Variants in AVL9 observed in about 807,000 individuals in gnomAD.
AVL9 encodes late secretory pathway protein AVL9 homolog.
A neutral mutation model predicts 79.2 loss-of-function variants in AVL9; 49 were observed. The observed-to-expected ratio is 0.62, with a 90% confidence interval of 0.49 to 0.79. The LOEUF is 0.79. Ranked by LOEUF, AVL9 falls within the 30% of genes least tolerant of loss-of-function variation. AVL9 has a pLI of 0.00. For missense variants in AVL9, 682 were observed against 776.8 expected (o/e 0.88, Z 1.45); for synonymous variants, 299 against 280.6 (o/e 1.07, Z -0.65).
rs1554350176 is a variant in AVL9, at chr7:32,586,468, C to CT, written c.*2561_*2562insT. 1.5e-4 allele frequency: 7 copies of CT among 45,638 alleles called. No individual in the cohort carries two copies. Among genetic ancestry groups the CT allele is most frequent in the Non-Finnish European group, 2.6e-4 (6 of 22,920 alleles). The allele number at this position is 45,638 out of a possible 1,614,324, so 2.8% of individuals were successfully genotyped here. On this transcript the variant is annotated 3_prime_UTR_variant, in exon 16 of 16. Transcript: ENST00000318709. ...CTCACCCCTGGTCCTGTGACCCCCC[C>CT]CCCCCACACACACACATACTTCAGG...
intron 2 of AVL9, among the ~76,000 whole-genome samples, chr7:32,544,120 T>C (rs946679369): frequency 1.3e-5 from 2 of 152,170 alleles, no homozygotes; most frequent in African/African-American, 4.8e-5. Flanking sequence ...TAGCAAATGT[T>C]CTACAGATTT....
rs566157413 is a variant in AVL9, at chr7:32,495,821, C to T, written c.93+19C>T. 1 of 1,253,558 alleles carries T rather than the reference C, an allele frequency of 8.0e-7. No homozygotes were observed. Among genetic ancestry groups the T allele is most frequent in the Non-Finnish European group, 1.0e-6 (1 of 989,190 alleles). The allele number at this position is 1,253,558 out of a possible 1,614,324, so 77.7% of individuals were successfully genotyped here. A position where few individuals can be genotyped will look rare whatever the true frequency, so the allele number is the denominator to read the frequency against. On this transcript the variant is annotated intron_variant, in intron 1 of 15. Transcript: ENST00000318709. ...CTGCCAGGTGAGGAAAGGGCCCGCC[C>T]CCGCCCCCAGCCGTTCGGGCGTTCG...
chr7:32,518,796 A>G (rs889446194), intron 1 of AVL9, among the ~76,000 whole-genome samples: 1 of 152,180 alleles, frequency 6.6e-6, no homozygotes, highest in East Asian at 1.9e-4. Flanking sequence ...TATGTGATTA[A>G]TTGACTATAA....
intron 10 of AVL9, 40 bp from the exon 11 acceptor site, chr7:32,569,980 T>C (rs755375645): frequency 1.2e-6 from 2 of 1,607,114 alleles, no homozygotes; most frequent in Admixed American, 1.7e-5. Context: ...AGGTAACCTT[T>C]TACTTTTCTG....
At position 32,565,139 on chromosome 7, in the gene AVL9, C is replaced by G. The variant is rs556386812; in HGVS notation, c.1216-4881C>G. On this transcript the variant is annotated intron_variant, in intron 10 of 15. Transcript: ENST00000318709. Reference sequence around the variant, plus strand: ...GGACTGGCCAGAAAGGACTGGAGCCCTTGGAGCTCGGAGTCCCACCTGACT... The same window carrying G: ...GGACTGGCCAGAAAGGACTGGAGCCGTTGGAGCTCGGAGTCCCACCTGACT... Among the ~76,000 whole-genome samples, 30 of 152,294 alleles carry G rather than the reference C, an allele frequency of 2.0e-4. No individual in the cohort carries two copies. The South Asian group carries it at 6.0e-3, about 31-fold the overall frequency.
At chr7:32,525,111 A>G (rs1788344374) in intron 1 of AVL9, among the ~76,000 whole-genome samples, 1 of 152,230 alleles carries the variant, frequency 6.6e-6, no homozygotes, top group Non-Finnish European at 1.5e-5. Context: ...AAGGTAAACA[A>G]ACACCTTGTT....
chr7:32,544,881 A>G, intron 3 of AVL9, 102 bp downstream of exon 3: 1 of 779,748 alleles, frequency 1.3e-6, no homozygotes, highest in Non-Finnish European at 2.1e-6. Flanking sequence ...ATGTTGTTTT[A>G]GATTTTTGTA....
chr7:32,516,245 T>G (rs1348640962), intron 1 of AVL9, among the ~76,000 whole-genome samples: 1 of 152,198 alleles, frequency 6.6e-6, no homozygotes, highest in African/African-American at 2.4e-5. Context: ...AGCTACAAAG[T>G]TAAAGCTGAC....
Position 32,583,780 on chromosome 7 carries a change from C to T in AVL9, c.1832-12C>T, listed in dbSNP as rs778599885. ...AGACATTTTTCCTTTTGTTTTTCTC[C>T]TCTCCATCCAGGCCAGTCAGTTGGA... On this transcript the variant is annotated splice_polypyrimidine_tract_variant and intron_variant, in intron 15 of 15. Coordinates refer to ENST00000318709, the MANE Select transcript of AVL9 (RefSeq NM_015060.3). 7 of 1,566,880 alleles carry T rather than the reference C, an allele frequency of 4.5e-6. No homozygotes were observed. The South Asian group carries it at 4.5e-5, about 10-fold the overall frequency.
At chr7:32,580,304 C>G (rs368464230) in intron 14 of AVL9, 32 bp downstream of exon 14, 95 of 1,547,834 alleles carry the variant, frequency 6.1e-5, no homozygotes, top group African/African-American at 5.5e-4. Flanking sequence ...TGGGAAAATT[C>G]TTAAGTCTGA....
At chr7:32,510,415 G>A (rs1048305644) in intron 1 of AVL9, among the ~76,000 whole-genome samples, 10 of 150,382 alleles carry the variant, frequency 6.6e-5, no homozygotes, top group Non-Finnish European at 1.5e-4. Context: ...CTGGCTGTGG[G>A]AGTCCACAGT....
At chr7:32,568,955 A>C (rs962079146) in intron 10 of AVL9, among the ~76,000 whole-genome samples, 26 of 152,196 alleles carry the variant, frequency 1.7e-4, no homozygotes, top group African/African-American at 6.3e-4. Flanking sequence ...ATATAACCAA[A>C]TTACCAGACA....
At chr7:32,502,143 C>T (rs915930651) in intron 1 of AVL9, among the ~76,000 whole-genome samples, 5 of 151,728 alleles carry the variant, frequency 3.3e-5, no homozygotes, top group Admixed American at 2.0e-4. Context: ...ATGGGAAGAT[C>T]GCTTGAGCCC....
intron 1 of AVL9, among the ~76,000 whole-genome samples, chr7:32,524,147 C>T (rs1038400786): frequency 6.6e-6 from 1 of 152,032 alleles, no homozygotes; most frequent in Non-Finnish European, 1.5e-5. Flanking sequence ...CCACACCTGT[C>T]AAATTATGAA....
At chr7:32,568,867 A>G (rs1393769212) in intron 10 of AVL9, among the ~76,000 whole-genome samples, 1 of 152,200 alleles carries the variant, frequency 6.6e-6, no homozygotes, top group Non-Finnish European at 1.5e-5. Flanking sequence ...GAGCATCTCT[A>G]ATGCAAAGGT....
intron 1 of AVL9, chr7:32,533,850 G>T (rs34130383): frequency 0.095 from 14,490 of 152,276 alleles, 878 homozygotes; most frequent in East Asian, 0.14. Context: ...TAGTTTGGCA[G>T]TGTGGCTTCT....
intron 3 of AVL9, among the ~76,000 whole-genome samples, chr7:32,548,144 C>CTCTCTTTTT (rs1227025763): frequency 3.5e-5 from 2 of 57,594 alleles, no homozygotes; most frequent in African/African-American, 1.1e-4. Flanking sequence ...TTTGTCATCT[C>CTCTCTTTTT]TTTTTTCTTT....
In AVL9 at chr7:32,552,248, A is replaced by C; in HGVS notation, c.482A>C (p.Asn161Thr). 6.2e-7 allele frequency: 1 copy of C among 1,600,484 alleles called. No individual in the cohort carries two copies. The highest frequency in any genetic ancestry group is 8.6e-7 in the Non-Finnish European group (1 of 1,168,638). The change falls in exon 6 of 16, where the codon AAT becomes ACT. Residue 161 changes from asparagine (N) to threonine (T), a missense_variant. Transcript: ENST00000318709. Reference sequence around the variant, plus strand: ...TTATAGGAGCTTTATGAACATATGAATAGTTCCTTGGGAGGTGCTTCATTA... The same window carrying C: ...TTATAGGAGCTTTATGAACATATGACTAGTTCCTTGGGAGGTGCTTCATTA... Reference protein sequence around the residue: ...SILKELYEHMNSSLGGASLEG... With the variant: ...SILKELYEHMTSSLGGASLEG...
At chr7:32,557,274 A>C (rs781663023) in intron 8 of AVL9, among the ~76,000 whole-genome samples, 10 of 151,900 alleles carry the variant, frequency 6.6e-5, no homozygotes, top group Non-Finnish European at 1.0e-4. Context: ...GCTGGTCTTG[A>C]ACTCCTGGCC....
Sources: allele counts gnomAD v4.1 joint callset (sites outside exome capture counted in the v4.1 genomes callset), GRCh38; gene constraint gnomAD v4.1.1; transcripts MANE v1.5; gene names NCBI Gene and HGNC (gene_info 2026-07-23, HGNC 2026-07-21).